Variants in KCNN2 observed in about 807,000 individuals in gnomAD.
KCNN2 encodes potassium calcium-activated channel subfamily N member 2.
Under a neutral mutation model 55.5 loss-of-function variants are expected in KCNN2, and 24 were observed. The ratio of observed to expected loss-of-function variants is 0.43; its 90% confidence interval spans 0.31 to 0.61. The LOEUF (loss-of-function observed/expected upper bound fraction) is 0.61. KCNN2 is among the 20% of genes least tolerant of loss of function. The pLI is 0.08. For missense variants in KCNN2, 754 were observed against 853.6 expected, an observed-to-expected ratio of 0.88 and a Z score of 1.45; for synonymous variants, 431 against 336.1, an observed-to-expected ratio of 1.28 and a Z score of -3.09.
chr5:114,409,477 A>G (rs1190143445), intron 3 of KCNN2, among the ~76,000 whole-genome samples: 1 of 151,764 alleles, frequency 6.6e-6, no homozygotes, highest in Non-Finnish European at 1.5e-5. Context: ...CAGCTTTTCT[A>G]TTTATTTGGT....
intron 2 of KCNN2, among the ~76,000 whole-genome samples, chr5:114,258,076 CT>C (rs752030850): frequency 6.6e-6 from 1 of 151,910 alleles, no homozygotes; most frequent in African/African-American, 2.4e-5. Flanking sequence ...TTATCAAATG[CT>C]TTTTTTGCAT....
chr5:114,399,872 G>A (rs548924574), intron 2 of KCNN2, among the ~76,000 whole-genome samples: 10 of 147,416 alleles, frequency 6.8e-5, no homozygotes, highest in Non-Finnish European at 1.3e-4. Flanking sequence ...TTTCCTCTAA[G>A]TTTTCTAGCC....
At chr5:114,416,663 G>A (rs76747065) in intron 3 of KCNN2, among the ~76,000 whole-genome samples, 195 of 152,264 alleles carry the variant, frequency 1.3e-3, no homozygotes, top group African/African-American at 4.6e-3. Flanking sequence ...CTCTGCTCAT[G>A]ATTTAGTCTT....
intron 2 of KCNN2, among the ~76,000 whole-genome samples, chr5:114,341,634 G>C (rs772604763): frequency 6.6e-6 from 1 of 152,012 alleles, no homozygotes; most frequent in Non-Finnish European, 1.5e-5. Context: ...TTCGAAGCCA[G>C]AGATAGTAAA....
At chr5:114,139,609 A>G (rs1002390923) in intron 1 of KCNN2, among the ~76,000 whole-genome samples, 2 of 150,220 alleles carry the variant, frequency 1.3e-5, no homozygotes, top group African/African-American at 4.9e-5. Flanking sequence ...TATATAATAT[A>G]TAAAAATATA....
intron 1 of KCNN2, among the ~76,000 whole-genome samples, chr5:114,130,422 T>C (rs997351804): frequency 6.6e-6 from 1 of 152,208 alleles, no homozygotes; most frequent in Admixed American, 6.5e-5. Flanking sequence ...GGAAGAAATA[T>C]GGGCTTTGGA....
At chr5:114,139,607 A>G (rs756494473) in intron 1 of KCNN2, among the ~76,000 whole-genome samples, 4 of 150,152 alleles carry the variant, frequency 2.7e-5, no homozygotes, top group Non-Finnish European at 5.9e-5. Context: ...TCTATATAAT[A>G]TATAAAAATA....
intron 2 of KCNN2, among the ~76,000 whole-genome samples, chr5:114,223,364 G>T (rs1754181893): frequency 6.6e-6 from 1 of 152,112 alleles, no homozygotes; most frequent in African/African-American, 2.4e-5. Flanking sequence ...CCCTTTCAAA[G>T]TCATCTTGAA....
chr5:114,342,494 T>G (rs1362341319), intron 2 of KCNN2, among the ~76,000 whole-genome samples: 3 of 152,110 alleles, frequency 2.0e-5, no homozygotes, highest in African/African-American at 7.2e-5. Context: ...ACAGGAAAGA[T>G]TCCCTCCAGA....
chr5:114,068,656 C>CAG (rs1750500507), intron 1 of KCNN2, among the ~76,000 whole-genome samples: 1 of 152,168 alleles, frequency 6.6e-6, no homozygotes, highest in Admixed American at 6.5e-5. Flanking sequence ...CAGTGCTTCC[C>CAG]AGAGGGTCCA....
At chr5:114,280,219 G>T (rs1755594243) in intron 2 of KCNN2, among the ~76,000 whole-genome samples, 2 of 152,202 alleles carry the variant, frequency 1.3e-5, no homozygotes, top group Admixed American at 1.3e-4. Context: ...CAGATGGGTA[G>T]ATTGTAAAAA....
intron 2 of KCNN2, among the ~76,000 whole-genome samples, chr5:114,309,923 A>C (rs1385887581): frequency 6.6e-6 from 1 of 152,204 alleles, no homozygotes; most frequent in Admixed American, 6.6e-5. Context: ...GTGGAATGGC[A>C]ACAGGTGGAG....
At chr5:114,367,855 G>A (rs1408747786) in intron 2 of KCNN2, among the ~76,000 whole-genome samples, 1 of 152,146 alleles carries the variant, frequency 6.6e-6, no homozygotes, top group Admixed American at 6.5e-5. Flanking sequence ...GTACTTTGAG[G>A]TAGGCAAACA....
At chr5:114,116,015 A>C (rs930848401) in intron 1 of KCNN2, among the ~76,000 whole-genome samples, 5 of 152,102 alleles carry the variant, frequency 3.3e-5, no homozygotes, top group African/African-American at 1.2e-4. Flanking sequence ...CCTGTGAATA[A>C]AGGAGGGAGA....
intron 2 of KCNN2, among the ~76,000 whole-genome samples, chr5:114,353,158 AT>A (rs956045726): frequency 4.1e-5 from 6 of 146,516 alleles, no homozygotes; most frequent in South Asian, 2.1e-4. Flanking sequence ...CTCCAGTTAC[AT>A]TTTTTTTTTC....
chr5:114,227,045 C>T (rs1024801162), intron 2 of KCNN2, among the ~76,000 whole-genome samples: 1 of 150,642 alleles, frequency 6.6e-6, no homozygotes, highest in African/African-American at 2.4e-5. Flanking sequence ...TGTTTATTTT[C>T]TTGACCACTC....
chr5:114,293,843 G>A (rs1469304918), intron 2 of KCNN2, among the ~76,000 whole-genome samples: 2 of 152,122 alleles, frequency 1.3e-5, no homozygotes, highest in Admixed American at 6.5e-5. Context: ...TGGTTGGTAA[G>A]CTATTGATTA....
At chr5:114,444,148 A>G (rs1318420449) in intron 3 of KCNN2, among the ~76,000 whole-genome samples, 1 of 152,166 alleles carries the variant, frequency 6.6e-6, no homozygotes, top group Non-Finnish European at 1.5e-5. Context: ...CCACTTATTC[A>G]TTCACCAAGA....
At chr5:114,443,230 G>T (rs1386072311) in intron 3 of KCNN2, among the ~76,000 whole-genome samples, 3 of 151,812 alleles carry the variant, frequency 2.0e-5, no homozygotes, top group Non-Finnish European at 2.9e-5. Context: ...GGGGGAGGTT[G>T]CAGTGAGCCG....
Sources: allele counts gnomAD v4.1 joint callset (sites outside exome capture counted in the v4.1 genomes callset), GRCh38; gene constraint gnomAD v4.1.1; transcripts MANE v1.5; gene names NCBI Gene and HGNC (gene_info 2026-07-23, HGNC 2026-07-21).